ATG4A: variants seen among roughly 807,000 people sequenced by gnomAD.
ATG4A encodes autophagy related 4A cysteine peptidase.
A neutral mutation model predicts 38.4 loss-of-function variants in ATG4A; 22 were observed. That is an observed-to-expected ratio of 0.57 (90% CI 0.41 to 0.82). The LOEUF is 0.82. ATG4A is among the 40% of genes least tolerant of loss of function. The pLI, the probability that ATG4A is intolerant of heterozygous loss-of-function variation, is 0.00. For missense variants in ATG4A, 220 were observed against 290.0 expected, an observed-to-expected ratio of 0.76 and a Z score of 1.75; for synonymous variants, 86 against 100.7, an observed-to-expected ratio of 0.85 and a Z score of 0.88.
chrX:108,146,862 T>G (rs973073927), intron 9 of ATG4A, among the ~76,000 whole-genome samples: 1 of 111,545 alleles, frequency 9.0e-6, no homozygotes, highest in Admixed American at 9.5e-5. Context: ...GAACCTTTTT[T>G]AACTCCCCGA....
At chrX:108,145,396 A>G (rs1192329111) in intron 9 of ATG4A, among the ~76,000 whole-genome samples, 1 of 112,829 alleles carries the variant, frequency 8.9e-6, no homozygotes, top group East Asian at 2.8e-4. Context: ...CCTCATGGAC[A>G]GGAATGGACA....
At chrX:108,112,576 T>C (rs2032391109) in intron 1 of ATG4A, among the ~76,000 whole-genome samples, 1 of 110,009 alleles carries the variant, frequency 9.1e-6, no homozygotes, top group African/African-American at 3.3e-5. Flanking sequence ...TTGTATTTTT[T>C]AGTAGAGACG....
At chrX:108,092,940 A>G (rs1386211617) in intron 1 of ATG4A, among the ~76,000 whole-genome samples, 1 of 112,127 alleles carries the variant, frequency 8.9e-6, no homozygotes, top group East Asian at 2.8e-4. Flanking sequence ...ATATCAATTC[A>G]TAAACATATA....
Position 108,103,739 on chromosome X carries a change from A to G in ATG4A, c.10+11903A>G, listed in dbSNP as rs752163428. ...TGAAACAAACTTAAACTTCAATTAC[A>G]TATAATACTTTACTCTTTTATATTA... On this transcript the variant is annotated intron_variant, in intron 1 of 12. Coordinates refer to ENST00000372232, the MANE Select transcript of ATG4A (RefSeq NM_052936.5). Among the ~76,000 whole-genome samples the G allele has an allele frequency of 3.5e-5, 4 of 112,788 alleles. No individual in the cohort carries two copies. The South Asian group carries it at 1.1e-3, about 31-fold the overall frequency.
At chrX:108,093,101 C>T (rs1344134534) in intron 1 of ATG4A, among the ~76,000 whole-genome samples, 3 of 111,428 alleles carry the variant, frequency 2.7e-5, no homozygotes, top group African/African-American at 6.5e-5. Context: ...ATTTCAAGTG[C>T]ATAATTAAAT....
chrX:108,101,305 A>G (rs745538254), intron 1 of ATG4A, among the ~76,000 whole-genome samples: 12 of 109,410 alleles, frequency 1.1e-4, no homozygotes, highest in Non-Finnish European at 2.3e-4. Context: ...GTTTTGCTTA[A>G]GGTTTGTGAA....
At chrX:108,122,286 A>G in intron 1 of ATG4A, among the ~76,000 whole-genome samples, 1 of 112,388 alleles carries the variant, frequency 8.9e-6, no homozygotes, top group Admixed American at 9.4e-5. Context: ...TTATTAAAGT[A>G]AGACATTGGC....
chrX:108,125,072 C>G (rs1325698684), intron 1 of ATG4A, among the ~76,000 whole-genome samples: 1 of 111,779 alleles, frequency 8.9e-6, no homozygotes, highest in African/African-American at 3.3e-5. Context: ...TTTAAATTTT[C>G]TAGTTACAGA....
rs200602304 is a variant in ATG4A at position 108,153,070 on chromosome X, T to C, written c.1109T>C (p.Val370Ala). The C allele has an allele frequency of 1.4e-4, 164 of 1,204,384 alleles. No homozygotes were observed. Among genetic ancestry groups the C allele is most frequent in the Non-Finnish European group, 1.8e-4 (159 of 890,098 alleles). Residue 370 changes from valine (V) to alanine (A), a missense_variant, in exon 12 of 13, where the codon GTG (valine) becomes GCG (alanine). Physicochemically the swap from Val to Ala is moderately conservative, Grantham distance 64. This residue lies in a region of ATG4A where 159 missense variants were observed against 188.9 expected (regional missense o/e 0.84). Transcript: ENST00000372232. The part of the protein sequence containing the change: ...PPFVPPAKPE[V>A]TTTGAEFIDS... ...TTTGTACCTCCAGCCAAGCCAGAAG[T>C]GACAACCACTGGGGCAGGTAAGCTG...
intron 1 of ATG4A, among the ~76,000 whole-genome samples, chrX:108,101,322 G>T (rs1477067544): frequency 1.8e-5 from 2 of 109,359 alleles, no homozygotes; most frequent in African/African-American, 3.3e-5. Context: ...TGAATTTTAT[G>T]AGGCTTTTCA....
chrX:108,144,691 A>G (rs1218664927), intron 9 of ATG4A, among the ~76,000 whole-genome samples: 1 of 112,322 alleles, frequency 8.9e-6, no homozygotes, highest in East Asian at 2.8e-4. Flanking sequence ...GAGTACTCAC[A>G]TGGCATACAA....
At chrX:108,134,741 T>C (rs779573132) in intron 6 of ATG4A, among the ~76,000 whole-genome samples, 1 of 112,175 alleles carries the variant, frequency 8.9e-6, no homozygotes, top group South Asian at 3.7e-4. Context: ...AGTTTCATAC[T>C]AAGTGGTAGA....
chrX:108,128,863 C>A lies in ATG4A; in HGVS notation c.193+11C>A, dbSNP rs754157828. 5 of 1,152,900 alleles carry A rather than the reference C, an allele frequency of 4.3e-6. No homozygotes were observed. Among genetic ancestry groups the A allele is most frequent in the Non-Finnish European group, 5.9e-6 (5 of 854,426 alleles). ...AATTTTCACCAATTGGTAGGTAAAT[C>A]ATTTGTTTTACTGTGCTTTATTCCT... On this transcript the variant is annotated intron_variant, in intron 3 of 12. Coordinates refer to ENST00000372232, the MANE Select transcript of ATG4A (RefSeq NM_052936.5).
intron 9 of ATG4A, among the ~76,000 whole-genome samples, chrX:108,146,217 T>G (rs1362304795): frequency 8.9e-6 from 1 of 112,093 alleles, no homozygotes; most frequent in African/African-American, 3.2e-5. Context: ...AATTGATTGA[T>G]GGGCTGTGAT....
chrX:108,133,320 T>C (rs1230165341), intron 4 of ATG4A, among the ~76,000 whole-genome samples: 2 of 112,252 alleles, frequency 1.8e-5, no homozygotes, highest in Admixed American at 9.4e-5. Flanking sequence ...AGTGATTACA[T>C]AGGGTTTTTG....
At chrX:108,091,872 G>T (rs371557859) in intron 1 of ATG4A, 36 bp downstream of exon 1, 2 of 1,210,577 alleles carry the variant, frequency 1.7e-6, no homozygotes, top group African/African-American at 3.5e-5. Context: ...CCGTGTGAAA[G>T]AGCCGGGGTG....
At position 108,113,559 on chromosome X, in the gene ATG4A, A is replaced by G. The variant is rs765150792; in HGVS notation, c.11-12518A>G. ...GGAGTTGGGGACTATGGCACTATGC[A>G]TGTGTATTAGTCTGTTTTCATGCTG... On this transcript the variant is annotated intron_variant, in intron 1 of 12. Coordinates refer to ENST00000372232, the MANE Select transcript of ATG4A (RefSeq NM_052936.5). Among the ~76,000 whole-genome samples the G allele has an allele frequency of 1.8e-4, 20 of 111,460 alleles. No homozygotes were observed. The East Asian group carries it at 4.5e-3, about 25-fold the overall frequency.
chrX:108,115,110 CAT>C, intron 1 of ATG4A, among the ~76,000 whole-genome samples: 1 of 95,582 alleles, frequency 1.0e-5, no homozygotes, highest in Admixed American at 1.1e-4. Context: ...TGCATGTGTG[CAT>C]GTATGCGTGT....
upstream of ATG4A, among the ~76,000 whole-genome samples, chrX:108,090,595 T>C (rs2031578989): frequency 1.8e-5 from 2 of 111,833 alleles, no homozygotes; most frequent in African/African-American, 6.5e-5. Flanking sequence ...AGACACAAAA[T>C]GGAGATCTGT....
Sources: gnomAD v4.1 joint callset for allele counts (sites outside exome capture counted in the v4.1 genomes callset) on GRCh38, gnomAD v4.1.1 for gene constraint, gnomAD v4.1.1 regional missense constraint, MANE v1.5 for transcripts, NCBI Gene and HGNC (gene_info 2026-07-23, HGNC 2026-07-21) for gene names.